COA1: variants seen among roughly 807,000 people sequenced by gnomAD.
The protein encoded by COA1 is cytochrome c oxidase assembly factor 1.
Under a neutral mutation model 16.0 loss-of-function variants are expected in COA1, and 13 were observed. The observed-to-expected ratio is 0.81, with a 90% CI of 0.53 to 1.29. The LOEUF is 1.29. Among genes scored for constraint, COA1 ranks in the 50% most tolerant of loss-of-function variants. COA1 has a pLI of 0.00. For synonymous variants in COA1, 65 were observed against 65.7 expected, an observed-to-expected ratio of 0.99 and a Z score of 0.05; for missense variants, 179 against 177.0, an observed-to-expected ratio of 1.01 and a Z score of -0.06.
chr7:43,661,412 G>A (rs1369168290), intron 1 of COA1, among the ~76,000 whole-genome samples: 2 of 152,138 alleles, frequency 1.3e-5, no homozygotes, highest in African/African-American at 2.4e-5. Flanking sequence ...CAAAGCGGGC[G>A]GATCACAGGT....
intron 1 of COA1, among the ~76,000 whole-genome samples, chr7:43,676,583 G>A (rs530467174): frequency 6.6e-6 from 1 of 152,270 alleles, no homozygotes; most frequent in East Asian, 1.9e-4. Context: ...AGATTCTAGT[G>A]TTCTAGTGTT....
intron 1 of COA1, among the ~76,000 whole-genome samples, chr7:43,720,437 CT>C (rs940737535): frequency 9.3e-5 from 14 of 150,472 alleles, no homozygotes; most frequent in African/African-American, 3.2e-4. Context: ...CTTCCTTTTT[CT>C]TTTTTTTTCA....
At chr7:43,715,469 C>T (rs2095370417) in intron 1 of COA1, among the ~76,000 whole-genome samples, 1 of 149,526 alleles carries the variant, frequency 6.7e-6, no homozygotes, top group Non-Finnish European at 1.5e-5. Flanking sequence ...CAGAGCAAGA[C>T]TCTATCTCAA....
intron 4 of COA1, among the ~76,000 whole-genome samples, chr7:43,643,423 G>A (rs1049496552): frequency 2.6e-5 from 4 of 152,218 alleles, no homozygotes; most frequent in Non-Finnish European, 4.4e-5. Context: ...AGTGACCAAA[G>A]GCAAGGAAGC....
chr7:43,703,561 T>C (rs958877110), intron 1 of COA1, among the ~76,000 whole-genome samples: 1 of 152,236 alleles, frequency 6.6e-6, no homozygotes, highest in Non-Finnish European at 1.5e-5. Context: ...TCTAGTTGAA[T>C]TGAATCTTTT....
intron 6 of COA1, chr7:43,631,842 A>G (rs1010163292): frequency 2.0e-5 from 3 of 152,368 alleles, no homozygotes; most frequent in Non-Finnish European, 2.9e-5. Flanking sequence ...TCCACTGCAT[A>G]TAACATGGTT....
downstream of COA1, among the ~76,000 whole-genome samples, chr7:43,638,143 A>ATGTT (rs773635247): frequency 2.6e-5 from 4 of 152,222 alleles, no homozygotes; most frequent in East Asian, 5.8e-4. Context: ...ACACATAAAT[A>ATGTT]TGTTTTTAAA....
chr7:43,723,259 T>G (rs545964076), intron 1 of COA1, among the ~76,000 whole-genome samples: 172 of 152,302 alleles, frequency 1.1e-3, no homozygotes, highest in African/African-American at 3.9e-3. Flanking sequence ...TTTTCTACAT[T>G]TTCCCAGTGA....
chr7:43,717,922 A>G (rs1341599169), intron 1 of COA1, among the ~76,000 whole-genome samples: 1 of 152,188 alleles, frequency 6.6e-6, no homozygotes, highest in Admixed American at 6.5e-5. Context: ...GCCTGCTGCC[A>G]TCTATGTAAG....
chr7:43,718,772 G>C (rs938689914), intron 1 of COA1, among the ~76,000 whole-genome samples: 1 of 152,050 alleles, frequency 6.6e-6, no homozygotes, highest in African/African-American at 2.4e-5. Flanking sequence ...AAATCTGATT[G>C]GTTCATAGTT....
At chr7:43,691,417 AAGAAAAAGAAAGAAAGAAAGAAAG>A (rs1563385354) in intron 1 of COA1, among the ~76,000 whole-genome samples, 4 of 103,082 alleles carry the variant, frequency 3.9e-5, no homozygotes, top group African/African-American at 1.3e-4. Flanking sequence ...GGAAGGAAGA[AAGAAAAAGAAAGAAAGAAAGAAAG>A]AAAGAAAGAA....
chr7:43,663,679 A>AC (rs2092651792), intron 1 of COA1, among the ~76,000 whole-genome samples: 1 of 149,678 alleles, frequency 6.7e-6, no homozygotes, highest in Non-Finnish European at 1.5e-5. Context: ...AAAAAAAAAA[A>AC]AAAAAAAAAC....
chr7:43,649,640 C>T (rs578030191), intron 1 of COA1: 1 of 152,306 alleles, frequency 6.6e-6, no homozygotes, highest in East Asian at 1.9e-4. Flanking sequence ...GACAATTAAA[C>T]AAATAATTAT....
At chr7:43,724,673 G>A (rs2095577617) in intron 1 of COA1, among the ~76,000 whole-genome samples, 1 of 152,072 alleles carries the variant, frequency 6.6e-6, no homozygotes, top group Admixed American at 6.6e-5. Context: ...ACTAATGAAT[G>A]GATAAACAAA....
chr7:43,716,518 G>A (rs2095398473), intron 1 of COA1, among the ~76,000 whole-genome samples: 1 of 152,186 alleles, frequency 6.6e-6, no homozygotes. Flanking sequence ...AAGCAGCAAA[G>A]CATTCAAAAG....
At chr7:43,616,458 A>AG (rs528780415) in intron 6 of COA1, among the ~76,000 whole-genome samples, 1 of 152,218 alleles carries the variant, frequency 6.6e-6, no homozygotes, top group Non-Finnish European at 1.5e-5. Context: ...CAGTGACAAA[A>AG]GAGTAATCAG....
chr7:43,717,016 G>A (rs1435727453), intron 1 of COA1, among the ~76,000 whole-genome samples: 1 of 152,250 alleles, frequency 6.6e-6, no homozygotes, highest in East Asian at 1.9e-4. Flanking sequence ...GATTTCAGAA[G>A]ATGTATGGAA....
intron 1 of COA1, among the ~76,000 whole-genome samples, chr7:43,699,314 C>A (rs2094629192): frequency 6.6e-6 from 1 of 152,144 alleles, no homozygotes; most frequent in Non-Finnish European, 1.5e-5. Flanking sequence ...GAAATTCATG[C>A]ATCTTTCTGG....
At chr7:43,662,261 G>A (rs1022555238) in intron 1 of COA1, among the ~76,000 whole-genome samples, 3 of 152,174 alleles carry the variant, frequency 2.0e-5, no homozygotes, top group Admixed American at 1.3e-4. Flanking sequence ...ACAGAGTCTC[G>A]CTGTGTCACC....
Sources: allele counts gnomAD v4.1 joint callset (sites outside exome capture counted in the v4.1 genomes callset), GRCh38; gene constraint gnomAD v4.1.1; transcripts MANE v1.5; gene names NCBI Gene and HGNC (gene_info 2026-07-23, HGNC 2026-07-21).